The following MKLN1 variants were observed in gnomAD, a reference collection of about 807,000 sequenced individuals.
MKLN1 encodes muskelin.
A neutral mutation model predicts 99.0 loss-of-function variants in MKLN1; 18 were observed. That is an observed-to-expected ratio of 0.18 (90% confidence interval 0.13 to 0.27). The LOEUF (loss-of-function observed/expected upper bound fraction) is 0.27. Among genes scored for constraint, MKLN1 ranks in the 10% least tolerant of loss-of-function variants. The pLI is 1.00. For synonymous variants in MKLN1, 288 were observed against 293.2 expected, an observed-to-expected ratio of 0.98 and a Z score of 0.18; for missense variants, 621 against 875.9, an observed-to-expected ratio of 0.71 and a Z score of 3.67.
At chr7:131,362,220 G>A (rs1800051458) in intron 1 of MKLN1, among the ~76,000 whole-genome samples, 2 of 151,888 alleles carry the variant, frequency 1.3e-5, no homozygotes, top group South Asian at 2.1e-4. Context: ...AGGTGGTTTC[G>A]TCATTAGTGA....
intron 4 of MKLN1, among the ~76,000 whole-genome samples, chr7:131,394,670 T>A (rs1183541464): frequency 1.3e-5 from 2 of 152,008 alleles, no homozygotes; most frequent in African/African-American, 4.8e-5. Context: ...TATATAAAAG[T>A]ATCATACCCC....
At chr7:131,357,562 A>G (rs1180274228) in intron 1 of MKLN1, among the ~76,000 whole-genome samples, 1 of 152,118 alleles carries the variant, frequency 6.6e-6, no homozygotes, top group Non-Finnish European at 1.5e-5. Flanking sequence ...TTTATCCAAT[A>G]ATTTATTTGT....
At chr7:131,394,309 G>A (rs985911890) in intron 4 of MKLN1, among the ~76,000 whole-genome samples, 2 of 151,912 alleles carry the variant, frequency 1.3e-5, no homozygotes, top group Non-Finnish European at 2.9e-5. Flanking sequence ...CAACCTTTTT[G>A]ACACCAGCGA....
At chr7:131,365,252 G>A (rs1800145777) in intron 1 of MKLN1, among the ~76,000 whole-genome samples, 1 of 152,064 alleles carries the variant, frequency 6.6e-6, no homozygotes, top group Non-Finnish European at 1.5e-5. Flanking sequence ...TGTCATGTAT[G>A]TTTTCTTTCA....
At chr7:131,420,756 G>A (rs909394863) in intron 8 of MKLN1, among the ~76,000 whole-genome samples, 6 of 152,154 alleles carry the variant, frequency 3.9e-5, no homozygotes, top group Non-Finnish European at 7.4e-5. Context: ...AGCCCCCATG[G>A]ACAAGGGGGG....
At chr7:131,127,276 G>C (rs1795479294) in intron 1 of MKLN1, among the ~76,000 whole-genome samples, 1 of 152,202 alleles carries the variant, frequency 6.6e-6, no homozygotes, top group Non-Finnish European at 1.5e-5. Context: ...TTGGGATCTT[G>C]GAAGTGGCAG....
chr7:131,449,812 A>G (rs1796126755), intron 12 of MKLN1, among the ~76,000 whole-genome samples: 1 of 152,020 alleles, frequency 6.6e-6, no homozygotes, highest in Non-Finnish European at 1.5e-5. Context: ...TCCGGAGTCT[A>G]TTTCAGTCCT....
intron 1 of MKLN1, among the ~76,000 whole-genome samples, chr7:131,372,942 T>A (rs1282869189): frequency 6.6e-6 from 1 of 151,902 alleles, no homozygotes; most frequent in Non-Finnish European, 1.5e-5. Flanking sequence ...TTCTTTTACC[T>A]TTTTCCTGCA....
intron 1 of MKLN1, among the ~76,000 whole-genome samples, chr7:131,365,986 G>A (rs201220059): frequency 6.6e-6 from 1 of 152,126 alleles, no homozygotes; most frequent in East Asian, 1.9e-4. Flanking sequence ...ATGATACTTC[G>A]AATGAAGGGT....
intron 9 of MKLN1, among the ~76,000 whole-genome samples, chr7:131,431,472 A>G (rs974031360): frequency 8.5e-5 from 13 of 152,176 alleles, no homozygotes; most frequent in African/African-American, 2.9e-4. Context: ...TCTAGGAGTC[A>G]GCTATCTGTC....
chr7:131,329,302 C>T (rs149237610), intron 1 of MKLN1, among the ~76,000 whole-genome samples: 14 of 152,296 alleles, frequency 9.2e-5, no homozygotes, highest in African/African-American at 3.1e-4. Context: ...TAGGATCTGG[C>T]CCAATGAAGG....
chr7:131,236,095 A>G (rs1382673659), intron 3 of MKLN1, among the ~76,000 whole-genome samples: 1 of 152,256 alleles, frequency 6.6e-6, no homozygotes, highest in African/African-American at 2.4e-5. Context: ...AGGCAGAAAT[A>G]TCACGAGAAA....
rs117229658 is a variant in MKLN1 at position 131,200,461 on chromosome 7, C to A, written c.-296-2396C>A. ...ACATTGATACTGATTATGCAAATGG[C>A]AGATTATTCATTCTTTTTAAAATGT... On this transcript the variant is annotated intron_variant, in intron 2 of 7. Transcript: ENST00000416992. Among the ~76,000 whole-genome samples the A allele has an allele frequency of 4.3e-3, 656 of 152,262 alleles. 7 individuals are homozygous for A. The highest frequency in any genetic ancestry group is 4.3e-3 in the Non-Finnish European group (290 of 68,024).
At position 131,221,674 on chromosome 7, in the gene MKLN1, A is replaced by AT. The variant is rs1162923537; in HGVS notation, c.-179+18718dup. Among the ~76,000 whole-genome samples, 448 of 128,876 alleles carry AT rather than the reference A, an allele frequency of 3.5e-3. 1 individual carries two copies. Among genetic ancestry groups the AT allele is most frequent in the African/African-American group, 5.4e-3 (189 of 34,770 alleles). 84.5% of individuals were successfully genotyped at this position (128,876 alleles called of 152,430 possible). A position where few individuals can be genotyped will look rare whatever the true frequency, so the allele number is the denominator to read the frequency against. On this transcript the variant is annotated intron_variant, in intron 3 of 7. Coordinates refer to the MKLN1 transcript ENST00000416992. ...AGGTGTGTGCCACCACACCCGGCTA[A>AT]TTTTTTTTTTTTTTTTTTGTATTTT...
intron 2 of MKLN1, among the ~76,000 whole-genome samples, chr7:131,185,914 C>T (rs1483925816): frequency 2.6e-5 from 4 of 151,968 alleles, no homozygotes; most frequent in African/African-American, 7.2e-5. Context: ...ATCTGTGGGC[C>T]GGGGGTGGTG....
intron 12 of MKLN1, among the ~76,000 whole-genome samples, chr7:131,454,020 C>T (rs1796261136): frequency 6.7e-6 from 1 of 149,500 alleles, no homozygotes; most frequent in South Asian, 2.1e-4. Context: ...CATGAGGAAG[C>T]AGGTGTCTTA....
chr7:131,420,034 A>G (rs1795143426), intron 8 of MKLN1, among the ~76,000 whole-genome samples: 1 of 152,222 alleles, frequency 6.6e-6, no homozygotes, highest in Non-Finnish European at 1.5e-5. Context: ...GGTAGTAGTA[A>G]TGTTGAAAAT....
In MKLN1 at chr7:131,327,924, G is replaced by T; in HGVS notation, c.25G>T (p.Ala9Ser). 4 of 1,613,182 alleles carry T rather than the reference G, an allele frequency of 2.5e-6. No individual in the cohort carries two copies. Among genetic ancestry groups the T allele is most frequent in the South Asian group, 1.1e-5 (1 of 91,088 alleles). Residue 9 changes from alanine (A) to serine (S), a missense_variant, in exon 1 of 18, where the codon GCG becomes TCG. Coordinates refer to ENST00000352689, the MANE Select transcript of MKLN1 (RefSeq NM_013255.5). ...GATGGCGGCTGGCGGAGCTGTCGCTGCGGCGCCCGAGTGCCGGCTTCTCCC... is the reference window on the plus strand; with the variant it reads ...GATGGCGGCTGGCGGAGCTGTCGCTTCGGCGCCCGAGTGCCGGCTTCTCCC... MAAGGAVA[A>S]APECRLLPYA...
intron 16 of MKLN1, chr7:131,471,651 T>C (rs1354553858): frequency 6.6e-6 from 1 of 152,386 alleles, no homozygotes; most frequent in Non-Finnish European, 1.5e-5. Flanking sequence ...GCATCCTTGT[T>C]CATCTAGCAA....
Sources: gnomAD v4.1 joint callset for allele counts (sites outside exome capture counted in the v4.1 genomes callset) on GRCh38, gnomAD v4.1.1 for gene constraint, MANE v1.5 for transcripts, NCBI Gene and HGNC (gene_info 2026-07-23, HGNC 2026-07-21) for gene names.